The following PCDHA13 variants were observed in gnomAD, a reference collection of about 807,000 sequenced individuals.
The protein encoded by PCDHA13 is protocadherin alpha 13.
PCDHA13 carries 54 observed loss-of-function variants against 64.8 expected under a neutral mutation model. The observed-to-expected ratio is 0.83, with a 90% confidence interval of 0.67 to 1.04. The LOEUF (loss-of-function observed/expected upper bound fraction) is 1.04. PCDHA13 is among the 50% of genes least tolerant of loss of function. PCDHA13 has a pLI of 0.00. For missense variants in PCDHA13, 1,248 were observed against 1,254.3 expected, an observed-to-expected ratio of 0.99 and a Z score of 0.08; for synonymous variants, 587 against 564.4, an observed-to-expected ratio of 1.04 and a Z score of -0.57.
intron 1 of PCDHA13, among the ~76,000 whole-genome samples, chr5:140,961,205 T>A (rs1215243152): frequency 1.3e-5 from 2 of 152,172 alleles, no homozygotes; most frequent in African/African-American, 4.8e-5. Context: ...GAGGTTGGTA[T>A]TGATGAAGAA....
chr5:140,970,647 T>C lies in PCDHA13; in HGVS notation c.2395-8302T>C, dbSNP rs529255517. Among the ~76,000 whole-genome samples, 9 of 152,352 alleles carry C rather than the reference T, an allele frequency of 5.9e-5. No homozygotes were observed. The South Asian group carries it at 1.9e-3, about 32-fold the overall frequency. On this transcript the variant is annotated intron_variant, in intron 1 of 3. Coordinates refer to ENST00000289272, the MANE Select transcript of PCDHA13 (RefSeq NM_018904.3). ...CAAAATTTTGTACCATAAATAGTGA[T>C]GAATTGTTATCTTTCCAAATAACTA...
chr5:141,009,533 G>T (rs1410740655), intron 3 of PCDHA13, 94 bp from the exon 4 acceptor site: 1 of 1,509,328 alleles, frequency 6.6e-7, no homozygotes, highest in African/African-American at 1.4e-5. Context: ...GGGAGGTTCA[G>T]CCTGCCTATG....
chr5:140,928,955 T>A, intron 1 of PCDHA13: 1 of 1,614,024 alleles, frequency 6.2e-7, no homozygotes, highest in Middle Eastern at 1.6e-4. Context: ...GTAATTGCCT[T>A]GGCTTGTATT....
intron 1 of PCDHA13, among the ~76,000 whole-genome samples, chr5:140,925,297 A>G (rs572435227): frequency 6.6e-6 from 1 of 152,246 alleles, no homozygotes; most frequent in Non-Finnish European, 1.5e-5. Context: ...ATGTTTCATT[A>G]TTGGGGCTTT....
intron 1 of PCDHA13, among the ~76,000 whole-genome samples, chr5:140,900,565 C>T (rs368765128): frequency 1.2e-4 from 19 of 152,248 alleles, no homozygotes; most frequent in South Asian, 1.2e-3. Context: ...GCGTGAGCCA[C>T]GGCACCGGCC....
intron 1 of PCDHA13, chr5:140,927,577 A>T: frequency 6.2e-7 from 1 of 1,614,170 alleles, no homozygotes; most frequent in Non-Finnish European, 8.5e-7. Flanking sequence ...CACAAATGAC[A>T]ACGCGCCTGT....
chr5:140,903,491 G>T (rs1253397353), intron 1 of PCDHA13, among the ~76,000 whole-genome samples: 4 of 152,094 alleles, frequency 2.6e-5, no homozygotes, highest in African/African-American at 9.7e-5. Flanking sequence ...GTTCTGAGCA[G>T]GTACCATAGA....
intron 1 of PCDHA13, among the ~76,000 whole-genome samples, chr5:140,901,931 C>G (rs2068990642): frequency 6.6e-6 from 1 of 151,430 alleles, no homozygotes; most frequent in Non-Finnish European, 1.5e-5. Context: ...TGGTTAATTC[C>G]TAGGTATATT....
chr5:140,934,704 T>C (rs185443398), intron 1 of PCDHA13, among the ~76,000 whole-genome samples: 134 of 152,288 alleles, frequency 8.8e-4, no homozygotes, highest in Non-Finnish European at 1.6e-3. Context: ...TTCCTGGCCA[T>C]CTTACAAAAA....
At chr5:140,939,789 A>T (rs1259994967) in intron 1 of PCDHA13, among the ~76,000 whole-genome samples, 1 of 152,246 alleles carries the variant, frequency 6.6e-6, no homozygotes, top group African/African-American at 2.4e-5. Flanking sequence ...GTCAATTTCT[A>T]TAAATGTTCT....
At chr5:140,905,035 G>C (rs1554191907) in intron 1 of PCDHA13, among the ~76,000 whole-genome samples, 1 of 152,136 alleles carries the variant, frequency 6.6e-6, no homozygotes. Flanking sequence ...AAGCTTTTTA[G>C]TTTAATTAGG....
intron 1 of PCDHA13, 149 bp from the exon 2 acceptor site, chr5:140,978,800 T>C: frequency 6.8e-7 from 1 of 1,480,668 alleles, no homozygotes; most frequent in South Asian, 1.4e-5. Flanking sequence ...TATATGTAGA[T>C]ATCATCATAG....
intron 1 of PCDHA13, among the ~76,000 whole-genome samples, chr5:140,950,042 T>C (rs2153688283): frequency 6.6e-6 from 1 of 152,082 alleles, no homozygotes; most frequent in South Asian, 2.1e-4. Flanking sequence ...GTTACAACCA[T>C]ATAAGACTAT....
chr5:140,892,087 T>G (rs2063378040), intron 1 of PCDHA13, among the ~76,000 whole-genome samples: 1 of 152,226 alleles, frequency 6.6e-6, no homozygotes, highest in East Asian at 1.9e-4. Context: ...TAGTTTCCTC[T>G]CGAAACTTTC....
rs1196406346 is a variant in PCDHA13 at position 140,884,043 on chromosome 5, C to A, written c.1775C>A (p.Ala592Glu). The A allele has an allele frequency of 6.2e-7, 1 of 1,613,248 alleles. No individual in the cohort carries two copies. The highest frequency in any genetic ancestry group is 1.3e-5 in the African/African-American group (1 of 74,902). The change falls in exon 1 of 4, where the codon GCG becomes GAG. Residue 592 changes from alanine to glutamate, a missense_variant. By Grantham distance (107) the Ala-to-Glu change is moderately radical. Coordinates refer to ENST00000289272, the MANE Select transcript of PCDHA13 (RefSeq NM_018904.3). ...PRSVGAGHVVAKVRAVDADSG... is the reference protein window; with the variant it reads ...PRSVGAGHVVEKVRAVDADSG... Reference sequence around the variant, plus strand: ...TCGGTGGGTGCAGGCCACGTGGTGGCGAAGGTGCGCGCGGTGGACGCCGAT... The same window carrying A: ...TCGGTGGGTGCAGGCCACGTGGTGGAGAAGGTGCGCGCGGTGGACGCCGAT...
chr5:140,926,769 G>T lies in PCDHA13; in HGVS notation c.2394+42107G>T, dbSNP rs1584462454. 7.3e-6 allele frequency: 10 copies of T among 1,360,582 alleles called. No individual in the cohort carries two copies. In the East Asian group the frequency reaches 2.4e-4, roughly 33 times the overall value. 84.3% of individuals were successfully genotyped at this position (1,360,582 alleles called of 1,614,324 possible). On this transcript the variant is annotated intron_variant, in intron 1 of 3. Coordinates refer to ENST00000289272, the MANE Select transcript of PCDHA13 (RefSeq NM_018904.3). ...TCGGCGGTCGCTGAGTATCCAGCCCGCAGCAGTGACGGCCGGCAGGAGCGT... is the reference window on the plus strand; with the variant it reads ...TCGGCGGTCGCTGAGTATCCAGCCCTCAGCAGTGACGGCCGGCAGGAGCGT...
At chr5:141,003,123 T>C (rs1387983867) in intron 3 of PCDHA13, among the ~76,000 whole-genome samples, 1 of 152,240 alleles carries the variant, frequency 6.6e-6, no homozygotes, top group Non-Finnish European at 1.5e-5. Flanking sequence ...GGCCCTTTCC[T>C]GGCATTTGCC....
chr5:140,926,351 C>T (rs1301072681), intron 1 of PCDHA13: 2 of 152,276 alleles, frequency 1.3e-5, no homozygotes, highest in African/African-American at 4.8e-5. Flanking sequence ...CGACGCGCGG[C>T]TCCCAAAGGG....
At chr5:140,936,153 A>G (rs539421853) in intron 1 of PCDHA13, among the ~76,000 whole-genome samples, 1 of 152,284 alleles carries the variant, frequency 6.6e-6, no homozygotes, top group Admixed American at 6.5e-5. Flanking sequence ...TTGGCCTCCT[A>G]AAGTGCTGGG....
Sources: allele counts gnomAD v4.1 joint callset (sites outside exome capture counted in the v4.1 genomes callset), GRCh38; gene constraint gnomAD v4.1.1; transcripts MANE v1.5; gene names NCBI Gene and HGNC (gene_info 2026-07-23, HGNC 2026-07-21).